Variants in NMNAT1 observed in about 807,000 individuals in gnomAD.
NMNAT1 encodes nicotinamide nucleotide adenylyltransferase 1.
In NMNAT1, 11 loss-of-function variants were observed where a neutral mutation model predicts 16.7. The observed-to-expected ratio is 0.66, with a 90% CI of 0.41 to 1.09. NMNAT1 has a LOEUF of 1.09. Among genes scored for constraint, NMNAT1 ranks in the 50% least tolerant of loss-of-function variants. NMNAT1 has a pLI of 0.00. For missense variants in NMNAT1, 280 were observed against 332.3 expected (o/e 0.84, Z 1.22); for synonymous variants, 110 against 119.8 (o/e 0.92, Z 0.53).
chr1:9,946,012 G>T (rs887994273), intron 1 of NMNAT1, among the ~76,000 whole-genome samples: 1 of 152,072 alleles, frequency 6.6e-6, no homozygotes, highest in Non-Finnish European at 1.5e-5. Context: ...CCTTGGCCCC[G>T]CAAAGTGCCG....
intron 3 of NMNAT1, among the ~76,000 whole-genome samples, chr1:9,980,051 C>T (rs1414645678): frequency 1.3e-5 from 2 of 151,338 alleles, no homozygotes; most frequent in African/African-American, 4.8e-5. Flanking sequence ...CCTGCCTCAG[C>T]CTCCCGAGTA....
chr1:9,993,476 A>G, the NMNAT1 span, among the ~76,000 whole-genome samples: 1 of 144,408 alleles, frequency 6.9e-6, no homozygotes, highest in South Asian at 2.2e-4. Flanking sequence ...ACCCCATCTC[A>G]AAAAAAAAAA....
intron 3 of NMNAT1, among the ~76,000 whole-genome samples, chr1:9,977,098 G>T (rs796148505): frequency 2.0e-5 from 3 of 152,040 alleles, no homozygotes; most frequent in African/African-American, 7.2e-5. Context: ...GTAGAGCTGG[G>T]GTTTCACCCT....
intron 1 of NMNAT1, among the ~76,000 whole-genome samples, chr1:9,962,677 G>GTTTTTTTTT (rs34747915): frequency 2.7e-5 from 2 of 74,218 alleles, no homozygotes; most frequent in Non-Finnish European, 4.4e-5. Flanking sequence ...CCAAATAAGG[G>GTTTTTTTTT]TTTTTTTTTT....
intron 1 of NMNAT1, among the ~76,000 whole-genome samples, chr1:9,949,334 G>A (rs994977341): frequency 6.7e-6 from 1 of 149,974 alleles, no homozygotes; most frequent in East Asian, 1.9e-4. Flanking sequence ...AAAACAATTA[G>A]CTGTCATGAT....
downstream of NMNAT1, among the ~76,000 whole-genome samples, chr1:9,985,863 G>A (rs1253946087): frequency 2.0e-5 from 3 of 152,124 alleles, no homozygotes; most frequent in Admixed American, 6.6e-5. Context: ...GGGTTTCACC[G>A]TGATGGCAAA....
At chr1:9,959,467 G>T (rs1337509970) in intron 1 of NMNAT1, among the ~76,000 whole-genome samples, 2 of 149,692 alleles carry the variant, frequency 1.3e-5, no homozygotes, top group Non-Finnish European at 3.0e-5. Flanking sequence ...CAGATCATGA[G>T]GTCAGGAGTT....
chr1:9,944,003 C>T (rs997958459), intron 1 of NMNAT1, among the ~76,000 whole-genome samples: 2 of 152,038 alleles, frequency 1.3e-5, no homozygotes, highest in African/African-American at 4.8e-5. Context: ...GCCTGTAATC[C>T]CAGCACTTTG....
intron 1 of NMNAT1, among the ~76,000 whole-genome samples, chr1:9,963,195 A>G (rs1641465888): frequency 6.6e-6 from 1 of 152,056 alleles, no homozygotes; most frequent in Non-Finnish European, 1.5e-5. Flanking sequence ...CAGGAAACCT[A>G]AATTCTAGTC....
intron 1 of NMNAT1, among the ~76,000 whole-genome samples, chr1:9,951,454 AG>A (rs1371206752): frequency 7.0e-6 from 1 of 142,168 alleles, no homozygotes; most frequent in Non-Finnish European, 1.5e-5. Context: ...CAACAGCTTC[AG>A]TTTTTTTTTG....
rs182528499 is a variant in NMNAT1, at chr1:9,954,790, G to A, written c.-57+11275G>A. On this transcript the variant is annotated intron_variant, in intron 1 of 4. Coordinates refer to ENST00000377205, the MANE Select transcript of NMNAT1 (RefSeq NM_022787.4). ...TACTAAAAATACAAACATTAGGTTC[G>A]TGTGGTGGCGCGTGCCTGTAATCCC... is the stretch of plus-strand genomic sequence containing the variant. Among the ~76,000 whole-genome samples, 35 of 151,554 alleles carry A rather than the reference G, an allele frequency of 2.3e-4. No homozygotes were observed. In the South Asian group the frequency reaches 4.8e-3, roughly 21 times the overall value.
At chr1:9,989,984 C>T (rs185524725), downstream of NMNAT1, among the ~76,000 whole-genome samples, 14 of 152,316 alleles carry the variant, frequency 9.2e-5, no homozygotes, top group East Asian at 1.9e-4. Flanking sequence ...CTGCATGCTC[C>T]GCCTCCCATA....
At chr1:9,988,432 G>T (rs116364879), downstream of NMNAT1, among the ~76,000 whole-genome samples, 2,675 of 151,990 alleles carry the variant, frequency 0.018, 34 homozygotes, top group Non-Finnish European at 0.027. Context: ...TGGGTGTGAT[G>T]AATCATGCCT....
the NMNAT1 span, among the ~76,000 whole-genome samples, chr1:9,992,844 G>A: frequency 6.6e-6 from 1 of 152,024 alleles, no homozygotes; most frequent in Non-Finnish European, 1.5e-5. Flanking sequence ...CCCAGGAGGC[G>A]GAGCTTGCAG....
chr1:9,961,989 A>G (rs1641420424), intron 1 of NMNAT1, among the ~76,000 whole-genome samples: 1 of 151,692 alleles, frequency 6.6e-6, no homozygotes. Flanking sequence ...GCTAGTCTCG[A>G]ACTCCCAACC....
In NMNAT1 at chr1:9,953,797, CTTTTTTTTTT is replaced by C. The variant is rs34585788; in HGVS notation, c.-57+10299_-57+10308del. 5.9e-3 allele frequency among the ~76,000 whole-genome samples: 353 copies of C among 60,202 alleles called. 2 individuals carry two copies. Among genetic ancestry groups the C allele is most frequent in the African/African-American group, 0.018 (343 of 19,358 alleles). 39.5% of individuals were successfully genotyped at this position (60,202 alleles called of 152,430 possible). A position where few individuals can be genotyped will look rare whatever the true frequency, so the allele number is the denominator to read the frequency against. On this transcript the variant is annotated intron_variant, in intron 1 of 4. Transcript: ENST00000377205. ...GTTTTTGCTGAAATCATATATCACT[CTTTTTTTTTT>C]TTTTTTTTTTTTTTTTGAGACAGAG...
Position 9,979,972 on chromosome 1 carries a change from C to T in NMNAT1, c.300-1059C>T, listed in dbSNP as rs139252352. On this transcript the variant is annotated intron_variant, in intron 3 of 4. Coordinates refer to ENST00000377205, the MANE Select transcript of NMNAT1 (RefSeq NM_022787.4). ...TTGAGGCGGAGTTTTGCTCTTGTTG[C>T]CCAGGCTGGAGTGCAATAGCGCAAT... is the stretch of plus-strand genomic sequence containing the variant. Among the ~76,000 whole-genome samples the T allele has an allele frequency of 2.4e-4, 36 of 151,446 alleles. No homozygotes were observed. In the East Asian group the frequency reaches 6.6e-3, roughly 28 times the overall value.
the NMNAT1 span, among the ~76,000 whole-genome samples, chr1:9,994,797 A>G: frequency 1.3e-5 from 2 of 151,892 alleles, no homozygotes; most frequent in Non-Finnish European, 2.9e-5. Context: ...TATTTTTAGT[A>G]GAGACAGGGT....
chr1:9,980,048 C>T (rs985347052), intron 3 of NMNAT1, among the ~76,000 whole-genome samples: 3 of 151,388 alleles, frequency 2.0e-5, no homozygotes, highest in Non-Finnish European at 2.9e-5. Context: ...TCTCCTGCCT[C>T]AGCCTCCCGA....
Sources: gnomAD v4.1 joint callset for allele counts (sites outside exome capture counted in the v4.1 genomes callset) on GRCh38, gnomAD v4.1.1 for gene constraint, MANE v1.5 for transcripts, NCBI Gene and HGNC (gene_info 2026-07-23, HGNC 2026-07-21) for gene names.